Variants in SLC4A10 observed in about 807,000 individuals in gnomAD.
SLC4A10 encodes sodium-driven chloride bicarbonate exchanger.
A neutral mutation model predicts 137.7 loss-of-function variants in SLC4A10; 42 were observed. The observed-to-expected ratio is 0.30, with a 90% CI of 0.24 to 0.39. SLC4A10 has a LOEUF of 0.39. SLC4A10 is among the 10% of genes least tolerant of loss of function. The probability of loss-of-function intolerance (pLI) is 1.00; values close to 1 mark genes in which losing one functional copy is unlikely to be tolerated. For missense variants in SLC4A10, 925 were observed against 1,355.0 expected, an observed-to-expected ratio of 0.68 and a Z score of 4.98; for synonymous variants, 474 against 464.1, an observed-to-expected ratio of 1.02 and a Z score of -0.27.
At chr2:161,723,223 C>T (rs1004912996) in intron 1 of SLC4A10, among the ~76,000 whole-genome samples, 1 of 152,120 alleles carries the variant, frequency 6.6e-6, no homozygotes, top group African/African-American at 2.4e-5. Flanking sequence ...TTTCACAGAT[C>T]CATGGGAAAA....
At chr2:161,688,218 T>C (rs1398307703) in intron 1 of SLC4A10, among the ~76,000 whole-genome samples, 2 of 152,230 alleles carry the variant, frequency 1.3e-5, no homozygotes, top group Non-Finnish European at 2.9e-5. Flanking sequence ...TTCTCTATTA[T>C]GTCTAGAAAT....
chr2:161,657,164 A>T (rs1222681767), intron 1 of SLC4A10, among the ~76,000 whole-genome samples: 2 of 151,978 alleles, frequency 1.3e-5, no homozygotes, highest in Non-Finnish European at 2.9e-5. Context: ...ATTACTTAAT[A>T]TATATGAATA....
At chr2:161,950,613 C>A in intron 18 of SLC4A10, 74 bp from the exon 19 acceptor site, 1 of 1,399,804 alleles carries the variant, frequency 7.1e-7, no homozygotes, top group Non-Finnish European at 9.7e-7. Flanking sequence ...TTCCTAGTAG[C>A]ATCTGTAAGA....
intron 1 of SLC4A10, among the ~76,000 whole-genome samples, chr2:161,650,718 A>G (rs1216846213): frequency 6.6e-6 from 1 of 151,940 alleles, no homozygotes; most frequent in Non-Finnish European, 1.5e-5. Flanking sequence ...GTGTGCATGC[A>G]CCCACTCAAG....
intron 10 of SLC4A10, 78 bp from the exon 11 acceptor site, chr2:161,894,601 C>A: frequency 1.4e-6 from 1 of 727,722 alleles, no homozygotes; most frequent in Non-Finnish European, 1.9e-6. Context: ...TGTGAGATAA[C>A]TGAGTTGAAA....
At chr2:161,778,261 A>G (rs1485806168) in intron 2 of SLC4A10, among the ~76,000 whole-genome samples, 1 of 151,906 alleles carries the variant, frequency 6.6e-6, no homozygotes, top group African/African-American at 2.4e-5. Flanking sequence ...CTGCCCATCC[A>G]TTAGTGCTAC....
chr2:161,687,221 C>T (rs2041523167), intron 1 of SLC4A10, among the ~76,000 whole-genome samples: 1 of 151,892 alleles, frequency 6.6e-6, no homozygotes, highest in Non-Finnish European at 1.5e-5. Flanking sequence ...TGATGAATTG[C>T]TAAGTGGAAA....
intron 26 of SLC4A10, among the ~76,000 whole-genome samples, chr2:161,980,351 C>G (rs1700046294): frequency 6.6e-6 from 1 of 151,552 alleles, no homozygotes; most frequent in African/African-American, 2.4e-5. Flanking sequence ...AAATATTATT[C>G]ATAAAAACAA....
chr2:161,872,232 CTCAG>C (rs951755369), intron 6 of SLC4A10, 57 bp from the exon 7 acceptor site: 1 of 1,306,474 alleles, frequency 7.7e-7, no homozygotes, highest in Non-Finnish European at 1.1e-6. Flanking sequence ...GCCTATTTCA[CTCAG>C]TATGTCTACA....
At position 161,742,807 on chromosome 2, in the gene SLC4A10, A is replaced by T. The variant is rs181441230; in HGVS notation, c.49-28166A>T. Among the ~76,000 whole-genome samples the T allele has an allele frequency of 7.7e-4, 118 of 152,264 alleles. 1 individual carries two copies. The highest frequency in any genetic ancestry group is 6.8e-3 in the Middle Eastern group (2 of 294). The stretch of plus-strand genomic sequence containing the variant: ...CTGTATTTTGGATAAAAGCCATTTT[A>T]ACCGGGATGACATGATATCTCATCA... On this transcript the variant is annotated intron_variant, in intron 1 of 26. Transcript: ENST00000446997.
rs553149373 is a variant in SLC4A10, at chr2:161,731,473, T to C, written c.49-39500T>C. On this transcript the variant is annotated intron_variant, in intron 1 of 26. Coordinates refer to ENST00000446997, the MANE Select transcript of SLC4A10 (RefSeq NM_001178015.2). ...ACACAAGAATTGGAAGTAGTTACTT[T>C]TAGGGAGGAAGAATTGTAGGGACAG... Among the ~76,000 whole-genome samples the C allele has an allele frequency of 3.9e-5, 6 of 152,230 alleles. No individual in the cohort carries two copies. The South Asian group carries it at 1.2e-3, about 32-fold the overall frequency.
chr2:161,872,455 G>T (rs781079895), intron 7 of SLC4A10, 71 bp downstream of exon 7: 86 of 1,166,692 alleles, frequency 7.4e-5, no homozygotes, highest in Non-Finnish European at 1.0e-4. Flanking sequence ...ATTTTAAGAG[G>T]TGTTGACACA....
intron 1 of SLC4A10, among the ~76,000 whole-genome samples, chr2:161,744,390 T>C (rs1369253789): frequency 3.3e-5 from 5 of 152,198 alleles, no homozygotes; most frequent in East Asian, 3.8e-4. Context: ...GAAATGATCA[T>C]ATAGTTTTTG....
At chr2:161,767,131 ATATATATATGTGTG>A (rs1471801863) in intron 1 of SLC4A10, among the ~76,000 whole-genome samples, 3 of 85,098 alleles carry the variant, frequency 3.5e-5, no homozygotes, top group East Asian at 3.5e-4. Flanking sequence ...ATATATATAT[ATATATATATGTGTG>A]TGTGTGTGTG....
chr2:161,632,681 A>G (rs1510094), intron 1 of SLC4A10, among the ~76,000 whole-genome samples: 118,426 of 151,110 alleles, frequency 0.78, 46,864 homozygotes, highest in East Asian at 0.86. Context: ...CAGGAGGGCT[A>G]GTTAAAAATT....
intron 17 of SLC4A10, 115 bp from the exon 18 acceptor site, chr2:161,949,030 TATA>T (rs1455639699): frequency 5.0e-6 from 3 of 604,978 alleles, no homozygotes; most frequent in Non-Finnish European, 8.6e-6. Flanking sequence ...ATGCATAAAA[TATA>T]ATATTATGAT....
At chr2:161,646,089 A>G (rs2035991057) in intron 1 of SLC4A10, among the ~76,000 whole-genome samples, 1 of 152,058 alleles carries the variant, frequency 6.6e-6, no homozygotes, top group African/African-American at 2.4e-5. Flanking sequence ...TATTGCACCA[A>G]AGGTTTTCAG....
Position 161,868,397 on chromosome 2 carries a change from C to G in SLC4A10, c.767-3896C>G, listed in dbSNP as rs192729873. On this transcript the variant is annotated intron_variant, in intron 6 of 26. Transcript: ENST00000446997. Reference sequence around the variant, plus strand: ...AGTGAAAAATTTATGGTGTAACAAGCAGAAAAACAGCTTCATTTTTCTAGT... The same window carrying G: ...AGTGAAAAATTTATGGTGTAACAAGGAGAAAAACAGCTTCATTTTTCTAGT... 1.2e-3 allele frequency among the ~76,000 whole-genome samples: 179 copies of G among 151,606 alleles called. 1 individual carries two copies. Among genetic ancestry groups the G allele is most frequent in the South Asian group, 3.1e-3 (15 of 4,810 alleles).
rs190702850 is a variant in SLC4A10 at position 161,840,700 on chromosome 2, T to G, written c.416+773T>G. 5.9e-3 allele frequency among the ~76,000 whole-genome samples: 893 copies of G among 152,330 alleles called. 17 individuals are homozygous for G. The highest frequency in any genetic ancestry group is 0.043 in the South Asian group (206 of 4,826). ...TGTAAATGCTGTATAATGAAAGCTG[T>G]GATACAGGTGTGCACAAGAAACTGT... On this transcript the variant is annotated intron_variant, in intron 4 of 26. Transcript: ENST00000446997.
Sources: allele counts gnomAD v4.1 joint callset (sites outside exome capture counted in the v4.1 genomes callset), GRCh38; gene constraint gnomAD v4.1.1; transcripts MANE v1.5; gene names NCBI Gene and HGNC (gene_info 2026-07-23, HGNC 2026-07-21).